The following DIAPH2 variants were observed in gnomAD, a reference collection of about 807,000 sequenced individuals.
The protein encoded by DIAPH2 is diaphanous related formin 2.
A neutral mutation model predicts 92.7 loss-of-function variants in DIAPH2; 35 were observed. The observed-to-expected ratio is 0.38, with a 90% CI of 0.29 to 0.50. The LOEUF (loss-of-function observed/expected upper bound fraction) is 0.50. Ranked by LOEUF, DIAPH2 falls within the 20% of genes least tolerant of loss-of-function variation. The pLI is 0.94. For missense variants in DIAPH2, 701 were observed against 819.5 expected (o/e 0.86, Z 1.77); for synonymous variants, 301 against 280.4 (o/e 1.07, Z -0.73).
intron 4 of DIAPH2, among the ~76,000 whole-genome samples, chrX:96,796,119 A>G (rs1232452590): frequency 1.8e-5 from 2 of 112,085 alleles, no homozygotes; most frequent in African/African-American, 6.5e-5. Context: ...AATTATTAAT[A>G]TGACTGTATT....
At chrX:97,156,741 C>T (rs1488635333) in intron 22 of DIAPH2, among the ~76,000 whole-genome samples, 2 of 111,571 alleles carry the variant, frequency 1.8e-5, no homozygotes, top group East Asian at 5.6e-4. Flanking sequence ...ATGCAGATAT[C>T]CACCTATACA....
intron 4 of DIAPH2, among the ~76,000 whole-genome samples, chrX:96,873,797 C>G (rs2065160860): frequency 1.8e-5 from 2 of 110,372 alleles, no homozygotes; most frequent in Non-Finnish European, 3.8e-5. Context: ...ATGTCAATAT[C>G]CCAGTTGTGA....
chrX:97,471,223 A>G (rs1168784391), intron 26 of DIAPH2, among the ~76,000 whole-genome samples: 1 of 111,145 alleles, frequency 9.0e-6, no homozygotes, highest in Non-Finnish European at 1.9e-5. Context: ...CTTCTATAGC[A>G]GAGTTGGTTG....
intron 4 of DIAPH2, among the ~76,000 whole-genome samples, chrX:96,869,269 A>G (rs111459249): frequency 8.9e-4 from 98 of 110,502 alleles, no homozygotes; most frequent in African/African-American, 3.0e-3. Flanking sequence ...CTGTGAAAAT[A>G]ATAGTCTTCT....
chrX:96,912,917 A>T (rs975593061), intron 7 of DIAPH2, among the ~76,000 whole-genome samples: 6 of 110,508 alleles, frequency 5.4e-5, no homozygotes, highest in African/African-American at 2.0e-4. Context: ...GATAAATTTG[A>T]TGTTTAATTT....
chrX:96,739,405 T>C (rs2064106343), intron 3 of DIAPH2, among the ~76,000 whole-genome samples: 1 of 111,879 alleles, frequency 8.9e-6, no homozygotes, highest in South Asian at 3.7e-4. Flanking sequence ...CTAGAGATCT[T>C]GATTTGTGAT....
At chrX:97,000,637 A>G (rs1159978442) in intron 17 of DIAPH2, among the ~76,000 whole-genome samples, 1 of 110,677 alleles carries the variant, frequency 9.0e-6, no homozygotes, top group African/African-American at 3.3e-5. Context: ...ACACACACAC[A>G]CACACACACA....
chrX:97,103,852 G>T (rs1332133940), intron 20 of DIAPH2, among the ~76,000 whole-genome samples: 2 of 111,575 alleles, frequency 1.8e-5, no homozygotes, highest in African/African-American at 6.5e-5. Flanking sequence ...CTGCTATTTG[G>T]CCTCTTGCTC....
chrX:96,838,700 A>G (rs983277748), intron 4 of DIAPH2, among the ~76,000 whole-genome samples: 10 of 111,671 alleles, frequency 9.0e-5, no homozygotes, highest in Admixed American at 7.6e-4. Flanking sequence ...CAAACAGTGT[A>G]CCGTAATAGA....
intron 18 of DIAPH2, among the ~76,000 whole-genome samples, chrX:97,074,952 C>G (rs1456966629): frequency 1.8e-5 from 2 of 111,829 alleles, no homozygotes; most frequent in Non-Finnish European, 3.8e-5. Context: ...TAAATATGCA[C>G]TAGCTATAAA....
At chrX:96,896,359 T>A (rs2065344853) in intron 5 of DIAPH2, among the ~76,000 whole-genome samples, 1 of 111,815 alleles carries the variant, frequency 8.9e-6, no homozygotes, top group Admixed American at 9.5e-5. Context: ...GATTTTTATG[T>A]TGTTGATAAT....
At chrX:97,573,694 C>T (rs765266645) in intron 26 of DIAPH2, among the ~76,000 whole-genome samples, 2 of 102,653 alleles carry the variant, frequency 1.9e-5, no homozygotes, top group South Asian at 9.2e-4. Flanking sequence ...GAGTTTCACT[C>T]TTATTGCCCA....
chrX:97,076,673 T>G (rs1456746970), intron 19 of DIAPH2, among the ~76,000 whole-genome samples: 1 of 112,184 alleles, frequency 8.9e-6, no homozygotes, highest in Non-Finnish European at 1.9e-5. Flanking sequence ...AAGTGATGTC[T>G]CTGTGGAAGC....
chrX:97,044,868 G>A (rs755310892), intron 17 of DIAPH2, among the ~76,000 whole-genome samples: 2 of 111,263 alleles, frequency 1.8e-5, no homozygotes, highest in African/African-American at 6.5e-5. Flanking sequence ...AGTCCCTTCC[G>A]ATTGAACTTT....
intron 26 of DIAPH2, among the ~76,000 whole-genome samples, chrX:97,590,884 G>GT (rs1264922344): frequency 8.1e-5 from 9 of 111,196 alleles, no homozygotes; most frequent in South Asian, 3.7e-4. Flanking sequence ...CTTCAAGACT[G>GT]TTTTTTTAAA....
chrX:97,450,174 A>C (rs2070347359), intron 26 of DIAPH2, among the ~76,000 whole-genome samples: 1 of 111,844 alleles, frequency 8.9e-6, no homozygotes, highest in Admixed American at 9.5e-5. Flanking sequence ...AAATTTAGAT[A>C]TATCCACCAG....
chrX:96,930,663 T>G, intron 9 of DIAPH2, 70 bp from the exon 10 acceptor site: 1 of 755,974 alleles, frequency 1.3e-6, no homozygotes, highest in Admixed American at 2.7e-5. Flanking sequence ...TTAGTGAATA[T>G]ATTATCTTAA....
chrX:97,065,095 C>G (rs766400376), intron 17 of DIAPH2, among the ~76,000 whole-genome samples: 1 of 111,566 alleles, frequency 9.0e-6, no homozygotes, highest in Admixed American at 9.6e-5. Context: ...CATCGCAATT[C>G]CTACAGATAT....
At chrX:97,412,663 T>G (rs752062986) in intron 25 of DIAPH2, among the ~76,000 whole-genome samples, 1 of 111,463 alleles carries the variant, frequency 9.0e-6, no homozygotes, top group Non-Finnish European at 1.9e-5. Context: ...CTAGCAAGAC[T>G]AATAAAGAAG....
Sources: allele counts gnomAD v4.1 joint callset (sites outside exome capture counted in the v4.1 genomes callset), GRCh38; gene constraint gnomAD v4.1.1; transcripts MANE v1.5; gene names NCBI Gene and HGNC (gene_info 2026-07-23, HGNC 2026-07-21).